Variants in UGT8 observed in about 807,000 individuals in gnomAD.
The protein encoded by UGT8 is 2-hydroxyacylsphingosine 1-beta-galactosyltransferase.
UGT8 carries 12 observed loss-of-function variants against 40.5 expected under a neutral mutation model. The ratio of observed to expected loss-of-function variants is 0.30; its 90% CI spans 0.19 to 0.48. The LOEUF (loss-of-function observed/expected upper bound fraction) is 0.48. UGT8 is among the 20% of genes least tolerant of loss of function. UGT8 has a pLI of 0.99. For missense variants in UGT8, 513 were observed against 648.7 expected, an observed-to-expected ratio of 0.79 and a Z score of 2.27; for synonymous variants, 224 against 240.4, an observed-to-expected ratio of 0.93 and a Z score of 0.63.
intron 2 of UGT8, among the ~76,000 whole-genome samples, chr4:114,630,993 A>C (rs773081875): frequency 7.2e-5 from 11 of 152,140 alleles, no homozygotes; most frequent in Non-Finnish European, 1.3e-4. Flanking sequence ...CTTCTAGCCC[A>C]GCATTGTACT....
At chr4:114,617,251 C>T (rs1731498656) in intron 1 of UGT8, among the ~76,000 whole-genome samples, 1 of 152,192 alleles carries the variant, frequency 6.6e-6, no homozygotes, top group South Asian at 2.1e-4. Flanking sequence ...AAGACTCCAT[C>T]TCAAACAAAA....
At chr4:114,665,586 A>G (rs1391439774) in intron 3 of UGT8, 94 bp from the exon 4 acceptor site, 40 of 1,253,828 alleles carry the variant, frequency 3.2e-5, no homozygotes, top group Non-Finnish European at 3.8e-5. Context: ...AAGATCATCA[A>G]ACATTTATTT....
chr4:114,612,922 C>G (rs1731178520), intron 1 of UGT8, among the ~76,000 whole-genome samples: 1 of 152,056 alleles, frequency 6.6e-6, no homozygotes, highest in Non-Finnish European at 1.5e-5. Flanking sequence ...TCTTAGAATT[C>G]ATTGGTTTGA....
intron 2 of UGT8, among the ~76,000 whole-genome samples, chr4:114,645,890 C>G (rs1733539739): frequency 6.6e-6 from 1 of 152,074 alleles, no homozygotes; most frequent in African/African-American, 2.4e-5. Context: ...TGAGTGCATA[C>G]TGTGAGATAG....
At position 114,647,093 on chromosome 4, in the gene UGT8, C is replaced by T. The variant is rs899890711; in HGVS notation, c.823-16902C>T. Among the ~76,000 whole-genome samples the T allele has an allele frequency of 2.6e-5, 4 of 152,202 alleles. No homozygotes were observed. In the South Asian group the frequency reaches 8.3e-4, roughly 32 times the overall value. ...CAATTTCAGTGGTAAATAATTTATT[C>T]TTTTTAGAAAGTCATATTGACACCT... On this transcript the variant is annotated intron_variant, in intron 2 of 5. Coordinates refer to ENST00000310836, the MANE Select transcript of UGT8 (RefSeq NM_001128174.3).
intron 2 of UGT8, among the ~76,000 whole-genome samples, chr4:114,659,499 T>G (rs1734388257): frequency 1.3e-5 from 2 of 152,192 alleles, no homozygotes; most frequent in Non-Finnish European, 1.5e-5. Flanking sequence ...TTTGAAGATG[T>G]CAGTTTTTCC....
chr4:114,653,629 T>C (rs944492746), intron 2 of UGT8, among the ~76,000 whole-genome samples: 1 of 152,124 alleles, frequency 6.6e-6, no homozygotes, highest in Non-Finnish European at 1.5e-5. Flanking sequence ...TTTGGAAATG[T>C]TGGTGTGCAA....
intron 1 of UGT8, among the ~76,000 whole-genome samples, chr4:114,607,374 TCTC>T (rs1730797917): frequency 6.6e-6 from 1 of 152,272 alleles, no homozygotes; most frequent in East Asian, 1.9e-4. Context: ...TCCTCAGTAA[TCTC>T]CTCCTTTGCT....
chr4:114,663,824 G>T, intron 2 of UGT8, 171 bp from the exon 3 acceptor site: 3 of 985,084 alleles, frequency 3.0e-6, no homozygotes, highest in Non-Finnish European at 3.6e-6. Flanking sequence ...AGCATTATCA[G>T]ATGAAATGTT....
At chr4:114,622,646 G>A (rs2126097656) in intron 1 of UGT8, 1 of 426,600 alleles carries the variant, frequency 2.3e-6, no homozygotes, top group African/African-American at 2.0e-5. Flanking sequence ...GGTGTGAGAT[G>A]ATATCTCATT....
At chr4:114,674,939 T>G (rs1279380457) in intron 5 of UGT8, among the ~76,000 whole-genome samples, 1 of 152,232 alleles carries the variant, frequency 6.6e-6, no homozygotes, top group East Asian at 1.9e-4. Flanking sequence ...GTTTTTAGAT[T>G]AAAATAAAAT....
chr4:114,610,808 A>G (rs1162361505), intron 1 of UGT8, among the ~76,000 whole-genome samples: 1 of 152,128 alleles, frequency 6.6e-6, no homozygotes, highest in Non-Finnish European at 1.5e-5. Context: ...TGTCCTGAAA[A>G]TATGTTTGAG....
At chr4:114,603,088 G>A (rs1397282237) in intron 1 of UGT8, among the ~76,000 whole-genome samples, 1 of 152,166 alleles carries the variant, frequency 6.6e-6, no homozygotes, top group Admixed American at 6.5e-5. Flanking sequence ...TCAGGTGGTA[G>A]AACCTCTAAG....
At chr4:114,644,085 A>AAC (rs1733398843) in intron 2 of UGT8, among the ~76,000 whole-genome samples, 2 of 152,186 alleles carry the variant, frequency 1.3e-5, no homozygotes, top group African/African-American at 4.8e-5. Context: ...ATCTGCAAAT[A>AAC]ACACAGCACT....
Position 114,677,349 on chromosome 4 carries a change from T to G in UGT8, c.*1061T>G, listed in dbSNP as rs769088264. The G allele has an allele frequency of 6.6e-6, 1 of 152,240 alleles. No individual in the cohort carries two copies. Among genetic ancestry groups the G allele is most frequent in the Non-Finnish European group, 1.5e-5 (1 of 68,044 alleles). The allele number at this position is 152,240 out of a possible 1,614,324, so 9.4% of individuals were successfully genotyped here. A position where few individuals can be genotyped will look rare whatever the true frequency, so the allele number is the denominator to read the frequency against. ...TCTATATTACATAGGTGCCAACATT[T>G]AATTCTTTTAAATGGAACATTTGCA... On this transcript the variant is annotated 3_prime_UTR_variant, in exon 6 of 6. Transcript: ENST00000310836.
intron 5 of UGT8, among the ~76,000 whole-genome samples, chr4:114,670,698 A>G (rs1288532351): frequency 6.6e-6 from 1 of 152,200 alleles, no homozygotes; most frequent in African/African-American, 2.4e-5. Flanking sequence ...ACAAACCTAC[A>G]GCCAGTATCA....
rs1373875370 is a variant in UGT8 at position 114,675,928 on chromosome 4, C to T, written c.1266C>T (p.Tyr422=). 5.0e-6 allele frequency: 8 copies of T among 1,610,388 alleles called. No individual in the cohort carries two copies. Among genetic ancestry groups the T allele is most frequent in the Admixed American group, 1.7e-5 (1 of 59,806 alleles). The change falls in exon 6 of 6, where the codon TAC becomes TAT. Residue 422 remains tyrosine, a synonymous_variant. Transcript: ENST00000310836. ...ALVKVINNPS[Y]RQRAQKLSEI... Reference sequence around the variant, plus strand: ...GTGTTTTGTCCCCTCTCCATAGCTACCGTCAGAGGGCTCAGAAGCTTTCGG... The same window carrying T: ...GTGTTTTGTCCCCTCTCCATAGCTATCGTCAGAGGGCTCAGAAGCTTTCGG...
At chr4:114,625,207 A>G (rs1162691233) in intron 2 of UGT8, among the ~76,000 whole-genome samples, 1 of 152,044 alleles carries the variant, frequency 6.6e-6, no homozygotes, top group Non-Finnish European at 1.5e-5. Context: ...CACTTGATTG[A>G]AGAAGAAGTA....
At chr4:114,623,943 C>T (rs1255861848) in intron 2 of UGT8, 4 of 183,086 alleles carry the variant, frequency 2.2e-5, no homozygotes, top group African/African-American at 7.2e-5. Flanking sequence ...GGTCAATAGA[C>T]TGCCTGGGAA....
Sources: gnomAD v4.1 joint callset for allele counts (sites outside exome capture counted in the v4.1 genomes callset) on GRCh38, gnomAD v4.1.1 for gene constraint, MANE v1.5 for transcripts, NCBI Gene and HGNC (gene_info 2026-07-23, HGNC 2026-07-21) for gene names.